The following PHTF1 variants were observed in gnomAD, a reference collection of about 807,000 sequenced individuals.
PHTF1 encodes putative homeodomain transcription factor 1.
In PHTF1, 88 loss-of-function variants were observed where a neutral mutation model predicts 102.4. The ratio of observed to expected loss-of-function variants is 0.86; its 90% CI spans 0.72 to 1.03. PHTF1 has a LOEUF of 1.03. PHTF1 is among the 50% of genes least tolerant of loss of function. The pLI is 0.00. For missense variants in PHTF1, 814 were observed against 909.5 expected (o/e 0.89, Z 1.35); for synonymous variants, 289 against 305.2 (o/e 0.95, Z 0.55).
rs772721901 is a variant in PHTF1, at chr1:113,710,384, T to C, written c.1139A>G (p.Asp380Gly). The C allele has an allele frequency of 1.2e-6, 2 of 1,614,136 alleles. No individual in the cohort carries two copies. Among genetic ancestry groups the C allele is most frequent in the South Asian group, 1.1e-5 (1 of 91,088 alleles). ...ATGTAGCAGGTCGTCCCATAACATGTCCTCAGTCTCCGAGTCATGGCGGGT... is the reference window on the plus strand; with the variant it reads ...ATGTAGCAGGTCGTCCCATAACATGCCCTCAGTCTCCGAGTCATGGCGGGT... ...ESTRHDSETE[D>G]MLWDDLLHGP... The change falls in exon 11 of 19, where the codon GAC becomes GGC. Residue 380 changes from aspartate (D) to glycine (G), a missense_variant. Asp to Gly is a moderately conservative substitution (Grantham distance 94). Transcript: ENST00000369604.
At chr1:113,710,618 T>C in intron 10 of PHTF1, 143 bp from the exon 11 acceptor site, 1 of 640,620 alleles carries the variant, frequency 1.6e-6, no homozygotes, top group Non-Finnish European at 2.7e-6. Flanking sequence ...TTCACAGGGC[T>C]TCACGTAACA....
rs368409808 is a variant in PHTF1, at chr1:113,738,783, G to A, written c.119C>T (p.Pro40Leu). The A allele has an allele frequency of 7.5e-6, 12 of 1,598,848 alleles. No homozygotes were observed. In the East Asian group the frequency reaches 2.0e-4, roughly 27 times the overall value. Residue 40 changes from proline to leucine, a missense_variant, in exon 4 of 19, where the codon CCG becomes CTG. Pro to Leu is a moderately conservative substitution (Grantham distance 98). Coordinates refer to ENST00000369604, the MANE Select transcript of PHTF1 (RefSeq NM_001323043.2). ...QTQIKGLKNK[P>L]KKMGHIKPDL... ...TGGCTTTATGTGGCCCATCTTTTTC[G>A]GTTTGTTTTTCAAACCCTAGGATAA...
At chr1:113,701,826 TAAAAAAAAAAAAAAAAA>T (rs34844793) in intron 15 of PHTF1, among the ~76,000 whole-genome samples, 313 of 28,022 alleles carry the variant, frequency 0.011, 15 homozygotes, top group Admixed American at 0.027. Context: ...CAATTCCTGG[TAAAAAAAAAAAAAAAAA>T]AAAAAAAAAA....
At chr1:113,757,588 G>T (rs976563149) in intron 3 of PHTF1, 111 bp downstream of exon 3, 12 of 732,330 alleles carry the variant, frequency 1.6e-5, no homozygotes, top group Non-Finnish European at 2.9e-5. Context: ...AACCTTCAAA[G>T]ATTAAAGAAT....
intron 3 of PHTF1, among the ~76,000 whole-genome samples, chr1:113,747,296 G>T (rs920494311): frequency 6.6e-6 from 1 of 152,076 alleles, no homozygotes; most frequent in African/African-American, 2.4e-5. Context: ...GCTTGTCCTA[G>T]AACTGTAATT....
In PHTF1 at chr1:113,759,031, C is replaced by A. The variant is rs1423145799; in HGVS notation, c.-39G>T. 9.7e-7 allele frequency: 1 copy of A among 1,027,784 alleles called. No individual in the cohort carries two copies. Among genetic ancestry groups the A allele is most frequent in the East Asian group, 8.7e-5 (1 of 11,478 alleles). The allele number at this position is 1,027,784 out of a possible 1,614,324, so 63.7% of individuals were successfully genotyped here. A position where few individuals can be genotyped will look rare whatever the true frequency, so the allele number is the denominator to read the frequency against. ...CCGCGTCCGGCTCTCACCTAGTGCC[C>A]GTTGCCCCGCGGGCCGGCGCCCGGG... On this transcript the variant is annotated 5_prime_UTR_variant, in exon 1 of 19. Transcript: ENST00000369604.
chr1:113,757,781 T>A, intron 2 of PHTF1, 26 bp from the exon 3 acceptor site: 1 of 1,466,028 alleles, frequency 6.8e-7, no homozygotes, highest in Non-Finnish European at 9.6e-7. Flanking sequence ...GTCTATTAGT[T>A]AAACGATGCA....
chr1:113,701,486 GA>G (rs1201885508), intron 15 of PHTF1, among the ~76,000 whole-genome samples: 1 of 152,090 alleles, frequency 6.6e-6, no homozygotes, highest in African/African-American at 2.4e-5. Context: ...TAAAAGTAAA[GA>G]AATTTACTCA....
intron 3 of PHTF1, among the ~76,000 whole-genome samples, chr1:113,754,811 T>A (rs1658602042): frequency 6.6e-6 from 1 of 152,216 alleles, no homozygotes. Context: ...CAGAATAGTA[T>A]CTAAAGTTCT....
chr1:113,700,183 C>G, intron 16 of PHTF1: 1 of 953,976 alleles, frequency 1.0e-6, no homozygotes, highest in Non-Finnish European at 1.2e-6. Flanking sequence ...AAGAAGATAG[C>G]TCCTTTTACT....
intron 11 of PHTF1, among the ~76,000 whole-genome samples, chr1:113,708,964 T>A (rs916073955): frequency 1.3e-5 from 2 of 152,148 alleles, no homozygotes. Flanking sequence ...TAGCATAAAA[T>A]TTTAATGAGA....
At chr1:113,730,237 TA>T (rs398053359) in intron 5 of PHTF1, among the ~76,000 whole-genome samples, 84 of 140,582 alleles carry the variant, frequency 6.0e-4, no homozygotes, top group Admixed American at 6.5e-4. Context: ...CAGGTAACAG[TA>T]AAAAAAAAAA....
At chr1:113,750,860 A>AT (rs1657974598) in intron 3 of PHTF1, among the ~76,000 whole-genome samples, 1 of 151,844 alleles carries the variant, frequency 6.6e-6, no homozygotes, top group Non-Finnish European at 1.5e-5. Context: ...AAAAAAAAAA[A>AT]GATTAGTAAA....
At chr1:113,735,457 T>C (rs1445151868) in intron 5 of PHTF1, among the ~76,000 whole-genome samples, 1 of 142,122 alleles carries the variant, frequency 7.0e-6, no homozygotes, top group Non-Finnish European at 1.5e-5. Context: ...TGACTCTACA[T>C]ATGATAGACT....
intron 12 of PHTF1, 28 bp from the exon 13 acceptor site, chr1:113,706,190 T>C: frequency 6.4e-7 from 1 of 1,566,496 alleles, no homozygotes. Flanking sequence ...ATTTCCACCA[T>C]TATTGTGTTA....
chr1:113,707,943 A>G (rs1650464891), intron 11 of PHTF1, among the ~76,000 whole-genome samples: 1 of 109,666 alleles, frequency 9.1e-6, no homozygotes, highest in South Asian at 3.2e-4. Context: ...AGGCAAAGAA[A>G]CCTGTATGCA....
intron 7 of PHTF1, among the ~76,000 whole-genome samples, chr1:113,719,245 C>CA (rs1652544943): frequency 6.6e-6 from 1 of 152,086 alleles, no homozygotes; most frequent in African/African-American, 2.4e-5. Flanking sequence ...TCAGGTGATC[C>CA]ACCCACCTCA....
chr1:113,710,810 ATTT>A (rs71590573), intron 10 of PHTF1, among the ~76,000 whole-genome samples: 3 of 122,688 alleles, frequency 2.4e-5, no homozygotes, highest in African/African-American at 6.0e-5. Context: ...ATATATATAT[ATTT>A]TTTTTTTTTT....
intron 4 of PHTF1, 127 bp from the exon 5 acceptor site, chr1:113,738,395 A>T: frequency 1.5e-6 from 1 of 659,290 alleles, no homozygotes. Flanking sequence ...TAAAAAAAAA[A>T]ACCCTCTTAG....
Sources: allele counts gnomAD v4.1 joint callset (sites outside exome capture counted in the v4.1 genomes callset), GRCh38; gene constraint gnomAD v4.1.1; transcripts MANE v1.5; gene names NCBI Gene and HGNC (gene_info 2026-07-23, HGNC 2026-07-21).